Variants in SORCS1 observed in about 807,000 individuals in gnomAD.
SORCS1 encodes the protein VPS10 domain-containing receptor SorCS1.
Under a neutral mutation model 146.1 loss-of-function variants are expected in SORCS1, and 60 were observed. The ratio of observed to expected loss-of-function variants is 0.41; its 90% CI spans 0.33 to 0.51. The LOEUF (loss-of-function observed/expected upper bound fraction) is 0.51, where lower values mean the gene tolerates loss of function less well. Ranked by LOEUF, SORCS1 falls within the 20% of genes least tolerant of loss-of-function variation. The pLI is 0.21. For missense variants in SORCS1, 1,352 were observed against 1,487.6 expected (o/e 0.91, Z 1.50); for synonymous variants, 637 against 584.0 (o/e 1.09, Z -1.31).
chr10:106,665,477 C>T (rs1429531492), intron 17 of SORCS1, among the ~76,000 whole-genome samples: 1 of 151,708 alleles, frequency 6.6e-6, no homozygotes, highest in African/African-American at 2.4e-5. Flanking sequence ...TCCACTTCAG[C>T]CTCCTGAGTA....
chr10:107,077,700 T>C (rs1490972707), intron 1 of SORCS1, among the ~76,000 whole-genome samples: 3 of 151,790 alleles, frequency 2.0e-5, no homozygotes, highest in Non-Finnish European at 4.4e-5. Flanking sequence ...GCCATTACTC[T>C]ATGAAACACA....
intron 1 of SORCS1, among the ~76,000 whole-genome samples, chr10:107,053,726 A>G (rs1010425437): frequency 1.6e-4 from 24 of 152,210 alleles, no homozygotes; most frequent in Admixed American, 7.2e-4. Flanking sequence ...GTTTCATTAT[A>G]AATACAAATA....
chr10:106,890,818 T>A (rs1951201636), intron 2 of SORCS1, among the ~76,000 whole-genome samples: 3 of 152,166 alleles, frequency 2.0e-5, no homozygotes, highest in African/African-American at 7.2e-5. Flanking sequence ...ATACATTTTT[T>A]TTTTTTTAAC....
At position 106,673,194 on chromosome 10, in the gene SORCS1, C is replaced by T. The variant is rs145390560; in HGVS notation, c.1941-209G>A. Reference sequence around the variant, plus strand: ...GTCACCAGGCTGGAGCGCAGTGGTGCGATCTCGGCTCACTACAACCCCTGA... The same window carrying T: ...GTCACCAGGCTGGAGCGCAGTGGTGTGATCTCGGCTCACTACAACCCCTGA... On this transcript the variant is annotated intron_variant, in intron 14 of 25. Transcript: ENST00000263054. Among the ~76,000 whole-genome samples, 418 of 149,522 alleles carry T rather than the reference C, an allele frequency of 2.8e-3. 5 individuals carry two copies. The highest frequency in any genetic ancestry group is 9.7e-3 in the African/African-American group (393 of 40,518).
intron 2 of SORCS1, among the ~76,000 whole-genome samples, chr10:106,850,602 G>A (rs188450008): frequency 6.6e-6 from 1 of 152,204 alleles, no homozygotes; most frequent in East Asian, 1.9e-4. Context: ...GGCCATCTTG[G>A]CTCCTCCCTG....
chr10:107,000,994 T>C (rs753976308), intron 1 of SORCS1, among the ~76,000 whole-genome samples: 2 of 152,208 alleles, frequency 1.3e-5, no homozygotes, highest in African/African-American at 2.4e-5. Flanking sequence ...TTTCTTGACA[T>C]CTTGCCACTT....
chr10:106,586,411 CTT>C (rs372779036), intron 24 of SORCS1, among the ~76,000 whole-genome samples: 26 of 147,534 alleles, frequency 1.8e-4, no homozygotes, highest in African/African-American at 6.4e-4. Context: ...CTTTGCTTTA[CTT>C]TTTTTTTTTC....
At chr10:107,102,360 C>T (rs1296042738) in intron 1 of SORCS1, among the ~76,000 whole-genome samples, 1 of 152,080 alleles carries the variant, frequency 6.6e-6, no homozygotes, top group African/African-American at 2.4e-5. Flanking sequence ...TTTGAGACGA[C>T]CTCTGGATAT....
chr10:106,605,268 A>G (rs1430176460), intron 23 of SORCS1, among the ~76,000 whole-genome samples: 1 of 152,262 alleles, frequency 6.6e-6, no homozygotes, highest in Non-Finnish European at 1.5e-5. Context: ...GCAGACAGTC[A>G]AAGCAAGACA....
At chr10:106,773,954 A>C (rs1466481896) in intron 4 of SORCS1, among the ~76,000 whole-genome samples, 2 of 152,150 alleles carry the variant, frequency 1.3e-5, no homozygotes, top group Non-Finnish European at 2.9e-5. Context: ...ATCTCAAAAA[A>C]AAAAAGAATG....
In SORCS1 at chr10:106,607,178, A is replaced by G. The variant is rs1277736013; in HGVS notation, c.3153T>C (p.Asp1051=). The stretch of plus-strand genomic sequence containing the variant: ...CCAGGGGACTCACCTGCTCCAGGTC[A>G]TCAGTTGACCTTTTGTTTTCTCCAG... ...DPAGENKRST[D]DLEQISELLI... Residue 1051 remains aspartate (D), a synonymous_variant, in exon 23 of 26, where the codon GAT becomes GAC. Transcript: ENST00000263054. 16 of 1,614,034 alleles carry G rather than the reference A, an allele frequency of 9.9e-6. No homozygotes were observed. The highest frequency in any genetic ancestry group is 1.4e-5 in the Non-Finnish European group (16 of 1,179,914).
intron 1 of SORCS1, among the ~76,000 whole-genome samples, chr10:107,021,165 T>C (rs60546897): frequency 0.11 from 16,838 of 152,070 alleles, 2,952 homozygotes; most frequent in African/African-American, 0.37. Context: ...CCTACAGTAG[T>C]TACACCTGGG....
intron 2 of SORCS1, among the ~76,000 whole-genome samples, chr10:106,904,886 G>A (rs1373337294): frequency 1.3e-5 from 2 of 152,140 alleles, no homozygotes; most frequent in South Asian, 2.1e-4. Flanking sequence ...TAAAAACAAT[G>A]TTAGAAATCA....
chr10:106,709,921 C>A (rs1001604023), intron 6 of SORCS1, among the ~76,000 whole-genome samples: 2 of 152,144 alleles, frequency 1.3e-5, no homozygotes, highest in Non-Finnish European at 2.9e-5. Context: ...TAAATTCTTG[C>A]TAATTATTTT....
chr10:106,901,028 C>T (rs1000871586), intron 2 of SORCS1, among the ~76,000 whole-genome samples: 2 of 152,192 alleles, frequency 1.3e-5, no homozygotes, highest in African/African-American at 4.8e-5. Flanking sequence ...AAAATGCTCA[C>T]ATATCAGTGG....
intron 1 of SORCS1, among the ~76,000 whole-genome samples, chr10:107,021,387 G>A (rs970249203): frequency 7.3e-5 from 11 of 151,262 alleles, no homozygotes; most frequent in Admixed American, 5.9e-4. Context: ...GGTGGCGGGT[G>A]CCTGTAGTCC....
chr10:106,815,237 A>T (rs1947679384), intron 3 of SORCS1, among the ~76,000 whole-genome samples: 1 of 152,110 alleles, frequency 6.6e-6, no homozygotes, highest in Non-Finnish European at 1.5e-5. Context: ...GGTTACAGGC[A>T]TGAGCCACCT....
intron 1 of SORCS1, among the ~76,000 whole-genome samples, chr10:107,137,576 G>T (rs1287642692): frequency 6.6e-6 from 1 of 152,162 alleles, no homozygotes; most frequent in Non-Finnish European, 1.5e-5. Flanking sequence ...ACCATTGGGA[G>T]CATGAGGCCA....
intron 19 of SORCS1, among the ~76,000 whole-genome samples, chr10:106,625,590 G>A (rs1848056118): frequency 1.3e-5 from 2 of 152,100 alleles, no homozygotes; most frequent in African/African-American, 2.4e-5. Context: ...CTAGTCTGAC[G>A]TTTGCTGGTC....
Sources: allele counts gnomAD v4.1 joint callset (sites outside exome capture counted in the v4.1 genomes callset), GRCh38; gene constraint gnomAD v4.1.1; transcripts MANE v1.5; gene names NCBI Gene and HGNC (gene_info 2026-07-23, HGNC 2026-07-21).